The following VPS13B variants were observed in gnomAD, a reference collection of about 807,000 sequenced individuals.
VPS13B encodes the protein vacuolar protein sorting 13 homolog B, also known as intermembrane lipid transfer protein VPS13B.
A neutral mutation model predicts 426.4 loss-of-function variants in VPS13B; 285 were observed. That is an observed-to-expected ratio of 0.67 (90% confidence interval 0.61 to 0.74). The LOEUF is 0.74. Ranked by LOEUF, VPS13B falls within the 30% of genes least tolerant of loss-of-function variation. VPS13B has a pLI of 0.00. For missense variants in VPS13B, 4,537 were observed against 4,782.6 expected, an observed-to-expected ratio of 0.95 and a Z score of 1.51; for synonymous variants, 1,676 against 1,676.4, an observed-to-expected ratio of 1.00 and a Z score of 0.01.
intron 30 of VPS13B, among the ~76,000 whole-genome samples, chr8:99,531,701 G>A (rs909705782): frequency 1.3e-5 from 2 of 151,950 alleles, no homozygotes; most frequent in Admixed American, 6.6e-5. Flanking sequence ...AGTATGTTAT[G>A]AAGGCTTCTA....
chr8:99,046,593 A>G (rs1045257934), intron 3 of VPS13B, among the ~76,000 whole-genome samples: 1 of 151,976 alleles, frequency 6.6e-6, no homozygotes, highest in African/African-American at 2.4e-5. Flanking sequence ...GTTTAAGAGG[A>G]GTGGTAAGAG....
intron 17 of VPS13B, among the ~76,000 whole-genome samples, chr8:99,265,325 T>C (rs767531628): frequency 6.6e-6 from 1 of 152,110 alleles, no homozygotes; most frequent in Non-Finnish European, 1.5e-5. Context: ...CACAATTCAT[T>C]TTTGGTTTGA....
intron 3 of VPS13B, among the ~76,000 whole-genome samples, chr8:99,052,909 G>T (rs1042843658): frequency 1.3e-5 from 2 of 152,060 alleles, no homozygotes; most frequent in Admixed American, 6.5e-5. Flanking sequence ...GCGTCTATTT[G>T]ATTCTTCTCT....
intron 19 of VPS13B, among the ~76,000 whole-genome samples, chr8:99,351,823 T>C (rs1811911060): frequency 6.6e-6 from 1 of 152,164 alleles, no homozygotes; most frequent in Non-Finnish European, 1.5e-5. Flanking sequence ...ACCTTTGTTA[T>C]GAGTTCTGTT....
intron 5 of VPS13B, among the ~76,000 whole-genome samples, chr8:99,105,161 C>A (rs1330336530): frequency 6.6e-6 from 1 of 152,048 alleles, no homozygotes; most frequent in African/African-American, 2.4e-5. Flanking sequence ...GGAGAGTAGT[C>A]CTGATTTTAC....
chr8:99,854,345 G>T, intron 56 of VPS13B, 89 bp downstream of exon 56: 1 of 1,433,412 alleles, frequency 7.0e-7, no homozygotes. Context: ...AAGACCTAAA[G>T]AAGCAATTGG....
chr8:99,432,653 A>G lies in VPS13B; in HGVS notation c.3210+989A>G, dbSNP rs1032744573. On this transcript the variant is annotated intron_variant, in intron 22 of 61. Coordinates refer to ENST00000357162, the MANE Select transcript of VPS13B (RefSeq NM_152564.5). The stretch of plus-strand genomic sequence containing the variant: ...ATTTTACTTTATTTAAAGTGGGAAG[A>G]TCTTTATTTATCAATATTCTTGTTT... 3.9e-5 allele frequency among the ~76,000 whole-genome samples: 6 copies of G among 152,198 alleles called. No homozygotes were observed. In the East Asian group the frequency reaches 1.2e-3, roughly 29 times the overall value.
intron 29 of VPS13B, among the ~76,000 whole-genome samples, chr8:99,519,896 C>T (rs1176419307): frequency 1.3e-5 from 2 of 152,050 alleles, no homozygotes; most frequent in African/African-American, 2.4e-5. Flanking sequence ...CACATGTATA[C>T]ATATGTAACA....
chr8:99,353,615 A>C (rs1812020452), intron 19 of VPS13B, among the ~76,000 whole-genome samples: 1 of 152,038 alleles, frequency 6.6e-6, no homozygotes, highest in South Asian at 2.1e-4. Context: ...AAAAAAAAAA[A>C]AAACAACAGA....
chr8:99,850,683 T>C (rs2130908843), intron 55 of VPS13B, among the ~76,000 whole-genome samples: 1 of 152,284 alleles, frequency 6.6e-6, no homozygotes, highest in South Asian at 2.1e-4. Flanking sequence ...CCCAGCACTT[T>C]GGGAGGCCGA....
chr8:99,215,806 T>C (rs1815361966), intron 17 of VPS13B, among the ~76,000 whole-genome samples: 1 of 152,200 alleles, frequency 6.6e-6, no homozygotes, highest in Non-Finnish European at 1.5e-5. Flanking sequence ...TAAGCTTTTC[T>C]TTTTGTACAG....
chr8:99,218,813 C>A (rs1390351495), intron 17 of VPS13B, among the ~76,000 whole-genome samples: 2 of 152,170 alleles, frequency 1.3e-5, no homozygotes, highest in Admixed American at 6.5e-5. Flanking sequence ...TGTGGCCTTT[C>A]TTGTGATGTA....
intron 30 of VPS13B, 106 bp from the exon 31 acceptor site, chr8:99,556,344 A>G (rs967225237): frequency 8.8e-6 from 11 of 1,245,280 alleles, no homozygotes; most frequent in Non-Finnish European, 1.0e-5. Context: ...AGTAATCCAA[A>G]GGAAAAAAAT....
At chr8:99,853,391 A>C in intron 55 of VPS13B, 60 bp from the exon 56 acceptor site, 1 of 1,574,846 alleles carries the variant, frequency 6.3e-7, no homozygotes, top group Non-Finnish European at 8.7e-7. Context: ...ATAAAAAAGA[A>C]AGAAGAGAGA....
intron 17 of VPS13B, among the ~76,000 whole-genome samples, chr8:99,267,990 C>T (rs1430070762): frequency 6.6e-6 from 1 of 152,116 alleles, no homozygotes; most frequent in East Asian, 1.9e-4. Flanking sequence ...CCCCGCCATT[C>T]TAGTCATGGG....
intron 22 of VPS13B, among the ~76,000 whole-genome samples, chr8:99,437,337 G>A (rs1222955878): frequency 6.6e-6 from 1 of 151,758 alleles, no homozygotes; most frequent in Non-Finnish European, 1.5e-5. Context: ...GGAAGAAGGA[G>A]TTTCCATACT....
rs1303406480 is a variant in VPS13B, at chr8:99,562,890, C to T, written c.4949+6237C>T. Among the ~76,000 whole-genome samples, 4 of 152,230 alleles carry T rather than the reference C, an allele frequency of 2.6e-5. No homozygotes were observed. The East Asian group carries it at 5.8e-4, about 22-fold the overall frequency. On this transcript the variant is annotated intron_variant, in intron 31 of 61. Coordinates refer to ENST00000357162, the MANE Select transcript of VPS13B (RefSeq NM_152564.5). ...AAAAATTAACAGAATTTTGATGGCT[C>T]ATGCTTGTAATCCTAACATTTTGAG... is the stretch of plus-strand genomic sequence containing the variant.
intron 3 of VPS13B, among the ~76,000 whole-genome samples, chr8:99,049,491 A>G (rs1843415351): frequency 6.6e-6 from 1 of 151,752 alleles, no homozygotes; most frequent in Non-Finnish European, 1.5e-5. Flanking sequence ...ATAGGGCCCC[A>G]ATCCCTTCTA....
intron 3 of VPS13B, among the ~76,000 whole-genome samples, chr8:99,055,213 A>G (rs1843783369): frequency 6.6e-6 from 1 of 151,846 alleles, no homozygotes; most frequent in Non-Finnish European, 1.5e-5. Flanking sequence ...TAACTTTTGT[A>G]TTTTTGGTAG....
Sources: allele counts gnomAD v4.1 joint callset (sites outside exome capture counted in the v4.1 genomes callset), GRCh38; gene constraint gnomAD v4.1.1; transcripts MANE v1.5; gene names NCBI Gene and HGNC (gene_info 2026-07-23, HGNC 2026-07-21).